ZSWIM6: variants seen among roughly 807,000 people sequenced by gnomAD.
ZSWIM6 encodes the protein zinc finger SWIM-type containing 6.
A neutral mutation model predicts 113.2 loss-of-function variants in ZSWIM6; 9 were observed. The observed-to-expected ratio is 0.08, with a 90% CI of 0.05 to 0.14. The LOEUF (loss-of-function observed/expected upper bound fraction) is 0.14. Among genes scored for constraint, ZSWIM6 ranks in the 10% least tolerant of loss-of-function variants. The pLI is 1.00. For missense variants in ZSWIM6, 1,162 were observed against 1,552.2 expected, an observed-to-expected ratio of 0.75 and a Z score of 4.22; for synonymous variants, 611 against 606.5, an observed-to-expected ratio of 1.01 and a Z score of -0.11.
rs1198820023 is a variant in ZSWIM6 at position 61,455,787 on chromosome 5, G to GC, written c.677-16890dup. On this transcript the variant is annotated intron_variant, in intron 1 of 13. Transcript: ENST00000252744. ...AAGCAAGTGTTAAGTTAGATTCCCC[G>GC]CCCCGGCCTTCTCCTCCACCCCCGC... Among the ~76,000 whole-genome samples, 4 of 134,780 alleles carry GC rather than the reference G, an allele frequency of 3.0e-5. No individual in the cohort carries two copies. In the East Asian group the frequency reaches 8.4e-4, roughly 28 times the overall value. 88.4% of individuals were successfully genotyped at this position (134,780 alleles called of 152,430 possible). A position where few individuals can be genotyped will look rare whatever the true frequency, so the allele number is the denominator to read the frequency against.
intron 1 of ZSWIM6, among the ~76,000 whole-genome samples, chr5:61,341,364 C>T (rs1307647159): frequency 6.6e-6 from 1 of 152,088 alleles, no homozygotes; most frequent in Non-Finnish European, 1.5e-5. Context: ...TATTAATCGT[C>T]GTAAAATGTA....
chr5:61,514,543 G>A (rs980177420), intron 4 of ZSWIM6, among the ~76,000 whole-genome samples: 2 of 151,892 alleles, frequency 1.3e-5, no homozygotes, highest in Non-Finnish European at 2.9e-5. Flanking sequence ...AAGGAAGTTC[G>A]CTCCTATTCC....
chr5:61,531,841 T>C (rs1365175738), intron 9 of ZSWIM6, 116 bp downstream of exon 9: 6 of 1,164,848 alleles, frequency 5.2e-6, no homozygotes, highest in Non-Finnish European at 7.2e-6. Context: ...CTGATTGCTA[T>C]AGTCATGGGG....
chr5:61,369,938 A>G (rs1038330584), intron 1 of ZSWIM6, among the ~76,000 whole-genome samples: 9 of 152,206 alleles, frequency 5.9e-5, no homozygotes, highest in African/African-American at 2.2e-4. Context: ...GTCAGATTTT[A>G]CCAAAAAACA....
At chr5:61,415,549 G>GCCACTGCA (rs1746230326) in intron 1 of ZSWIM6, among the ~76,000 whole-genome samples, 1 of 150,128 alleles carries the variant, frequency 6.7e-6, no homozygotes. Context: ...CCGAGATCAC[G>GCCACTGCA]CCACTGCACT....
chr5:61,358,691 ATGC>A (rs1247512233), intron 1 of ZSWIM6, among the ~76,000 whole-genome samples: 2 of 152,256 alleles, frequency 1.3e-5, no homozygotes, highest in Non-Finnish European at 2.9e-5. Context: ...GTACAAGGAA[ATGC>A]TGCTAGTAAA....
At position 61,535,466 on chromosome 5, in the gene ZSWIM6, T is replaced by A. The variant is rs369498860; in HGVS notation, c.2246-18T>A. ...TCATTTTTTAGGAACGTAAAATGTGTATGCTCTCTTCCCACAGCCGGACCA... is the reference window on the plus strand; with the variant it reads ...TCATTTTTTAGGAACGTAAAATGTGAATGCTCTCTTCCCACAGCCGGACCA... On this transcript the variant is annotated intron_variant, in intron 9 of 13. Transcript: ENST00000252744. 10 of 1,550,964 alleles carry A rather than the reference T, an allele frequency of 6.4e-6. No individual in the cohort carries two copies. In the African/African-American group the frequency reaches 1.4e-4, roughly 21 times the overall value.
chr5:61,413,484 T>C (rs953716331), intron 1 of ZSWIM6, among the ~76,000 whole-genome samples: 2 of 152,130 alleles, frequency 1.3e-5, no homozygotes, highest in African/African-American at 4.8e-5. Context: ...AGTAAACATA[T>C]GTGTGCCTGT....
At chr5:61,391,702 A>G (rs576503964) in intron 1 of ZSWIM6, 6 of 1,137,996 alleles carry the variant, frequency 5.3e-6, no homozygotes, top group Middle Eastern at 2.3e-4. Context: ...GACTTCCCGC[A>G]TGATGTTGGT....
At chr5:61,393,343 G>A (rs1459405859) in intron 1 of ZSWIM6, among the ~76,000 whole-genome samples, 4 of 152,138 alleles carry the variant, frequency 2.6e-5, no homozygotes, top group South Asian at 4.1e-4. Context: ...ACTGCACCCG[G>A]CCTCTCAATA....
At chr5:61,373,267 G>C (rs963020840) in intron 1 of ZSWIM6, among the ~76,000 whole-genome samples, 1 of 151,280 alleles carries the variant, frequency 6.6e-6, no homozygotes, top group Admixed American at 6.6e-5. Context: ...TTTAAGTACT[G>C]ATTTATTGAA....
At chr5:61,346,983 C>T (rs1744672816) in intron 1 of ZSWIM6, 2 of 152,128 alleles carry the variant, frequency 1.3e-5, no homozygotes. Flanking sequence ...TCAAGGTTTT[C>T]ACTGTTTTCA....
chr5:61,383,519 C>T, intron 1 of ZSWIM6, among the ~76,000 whole-genome samples: 1 of 152,060 alleles, frequency 6.6e-6, no homozygotes. Context: ...AATCTGGTAC[C>T]TACTGATGTA....
chr5:61,539,554 G>T, intron 11 of ZSWIM6, 42 bp from the exon 12 acceptor site: 1 of 1,525,880 alleles, frequency 6.6e-7, no homozygotes, highest in South Asian at 1.2e-5. Flanking sequence ...GTCTTGCTTT[G>T]CTTTGATTTG....
intron 1 of ZSWIM6, among the ~76,000 whole-genome samples, chr5:61,403,966 T>C (rs1001233275): frequency 1.3e-5 from 2 of 152,198 alleles, no homozygotes; most frequent in African/African-American, 2.4e-5. Context: ...AGGTGACTTA[T>C]TGAGGTCTCT....
intron 7 of ZSWIM6, among the ~76,000 whole-genome samples, chr5:61,527,445 T>A (rs1382860636): frequency 6.6e-6 from 1 of 152,162 alleles, no homozygotes; most frequent in Non-Finnish European, 1.5e-5. Flanking sequence ...GGAGCAAGTG[T>A]CTATTGTAAC....
chr5:61,478,693 G>A (rs1747771404), intron 2 of ZSWIM6, among the ~76,000 whole-genome samples: 1 of 144,474 alleles, frequency 6.9e-6, no homozygotes, highest in African/African-American at 2.7e-5. Context: ...GTGTGAGTGT[G>A]TGTGTGTGTG....
intron 1 of ZSWIM6, among the ~76,000 whole-genome samples, chr5:61,341,472 G>T (rs1261206127): frequency 6.6e-6 from 1 of 152,144 alleles, no homozygotes; most frequent in Non-Finnish European, 1.5e-5. Context: ...TATGCCATAG[G>T]AAATTACTGT....
At chr5:61,514,262 T>C (rs1453196866) in intron 4 of ZSWIM6, among the ~76,000 whole-genome samples, 1 of 151,756 alleles carries the variant, frequency 6.6e-6, no homozygotes, top group Non-Finnish European at 1.5e-5. Flanking sequence ...GTTTTTTGTT[T>C]GATTTAAGTG....
Sources: allele counts gnomAD v4.1 joint callset (sites outside exome capture counted in the v4.1 genomes callset), GRCh38; gene constraint gnomAD v4.1.1; transcripts MANE v1.5; gene names NCBI Gene and HGNC (gene_info 2026-07-23, HGNC 2026-07-21).